Variants in AKAP6 observed in about 807,000 individuals in gnomAD.
The protein encoded by AKAP6 is A-kinase anchor protein 6.
A neutral mutation model predicts 188.5 loss-of-function variants in AKAP6; 58 were observed. The observed-to-expected ratio is 0.31, with a 90% CI of 0.25 to 0.38. The LOEUF is 0.38. Among genes scored for constraint, AKAP6 ranks in the 10% least tolerant of loss-of-function variants. The pLI, the probability that AKAP6 is intolerant of heterozygous loss-of-function variation, is 1.00. For synonymous variants in AKAP6, 989 were observed against 998.6 expected (o/e 0.99, Z 0.18); for missense variants, 2,710 against 2,740.0 (o/e 0.99, Z 0.24).
chr14:32,661,305 A>G (rs1268924349), intron 7 of AKAP6, among the ~76,000 whole-genome samples: 2 of 152,092 alleles, frequency 1.3e-5, no homozygotes, highest in Non-Finnish European at 2.9e-5. Flanking sequence ...GGAACTAGCA[A>G]TCAGAATTGG....
intron 11 of AKAP6, among the ~76,000 whole-genome samples, chr14:32,751,273 C>T (rs1348227298): frequency 1.3e-5 from 2 of 152,066 alleles, no homozygotes; most frequent in African/African-American, 4.8e-5. Context: ...TTTTCCAAAC[C>T]CTTGTGTGTC....
intron 1 of AKAP6, among the ~76,000 whole-genome samples, chr14:32,337,635 A>G (rs757213179): frequency 6.6e-5 from 10 of 151,952 alleles, no homozygotes; most frequent in Non-Finnish European, 1.3e-4. Flanking sequence ...GATTTGTTAC[A>G]TATGTATACA....
intron 2 of AKAP6, among the ~76,000 whole-genome samples, chr14:32,504,949 A>G (rs1032757813): frequency 6.6e-6 from 1 of 152,208 alleles, no homozygotes; most frequent in Non-Finnish European, 1.5e-5. Flanking sequence ...GTGACAACAG[A>G]ACCAATTGAT....
chr14:32,635,228 T>C (rs1254859364), intron 7 of AKAP6, among the ~76,000 whole-genome samples: 1 of 152,036 alleles, frequency 6.6e-6, no homozygotes, highest in East Asian at 1.9e-4. Flanking sequence ...AGTAGGGGAA[T>C]AGGAGCAAGG....
At chr14:32,644,620 C>T (rs1229338916) in intron 7 of AKAP6, among the ~76,000 whole-genome samples, 1 of 152,024 alleles carries the variant, frequency 6.6e-6, no homozygotes, top group African/African-American at 2.4e-5. Flanking sequence ...ATAACAAGGC[C>T]GTGGATGGCT....
At chr14:32,544,002 G>C (rs1201388136) in intron 3 of AKAP6, among the ~76,000 whole-genome samples, 4 of 152,150 alleles carry the variant, frequency 2.6e-5, no homozygotes, top group African/African-American at 9.7e-5. Flanking sequence ...AGTGGAGTAG[G>C]AGATAAAGGC....
At chr14:32,540,613 C>A (rs1354168277) in intron 3 of AKAP6, among the ~76,000 whole-genome samples, 1 of 152,064 alleles carries the variant, frequency 6.6e-6, no homozygotes, top group Non-Finnish European at 1.5e-5. Context: ...GAAATAAGGG[C>A]AGTAAAACCA....
intron 2 of AKAP6, among the ~76,000 whole-genome samples, chr14:32,501,244 T>C (rs988808378): frequency 1.3e-5 from 2 of 152,194 alleles, no homozygotes; most frequent in African/African-American, 2.4e-5. Context: ...AATTCTTTTT[T>C]GCACACAAAG....
intron 9 of AKAP6, among the ~76,000 whole-genome samples, chr14:32,716,248 A>G (rs888117420): frequency 2.0e-5 from 3 of 151,918 alleles, no homozygotes; most frequent in African/African-American, 2.4e-5. Context: ...GAGCGATTAA[A>G]TGGTTACATA....
At chr14:32,774,807 T>G (rs2139997069) in intron 12 of AKAP6, among the ~76,000 whole-genome samples, 1 of 152,300 alleles carries the variant, frequency 6.6e-6, no homozygotes, top group Admixed American at 6.5e-5. Flanking sequence ...ATGTTTATAT[T>G]TTTCAGTTCT....
intron 1 of AKAP6, among the ~76,000 whole-genome samples, chr14:32,344,433 C>T (rs10483398): frequency 0.075 from 11,421 of 152,104 alleles, 527 homozygotes; most frequent in Non-Finnish European, 0.085. Context: ...CTAATTAGTC[C>T]CAGTAAATAC....
At chr14:32,702,819 C>A (rs1022961474) in intron 9 of AKAP6, among the ~76,000 whole-genome samples, 1 of 152,164 alleles carries the variant, frequency 6.6e-6, no homozygotes, top group Non-Finnish European at 1.5e-5. Flanking sequence ...ACAGCCCTGT[C>A]GTACTCTTTG....
At chr14:32,708,401 AAGAG>A (rs34645535) in intron 9 of AKAP6, among the ~76,000 whole-genome samples, 2 of 150,520 alleles carry the variant, frequency 1.3e-5, no homozygotes, top group African/African-American at 4.9e-5. Context: ...ATGTGAGAGA[AAGAG>A]AGAGAGAGAG....
intron 8 of AKAP6, among the ~76,000 whole-genome samples, chr14:32,691,567 GT>G (rs200286596): frequency 6.6e-6 from 1 of 150,618 alleles, no homozygotes; most frequent in African/African-American, 2.4e-5. Flanking sequence ...ATTTGCCACT[GT>G]TTTTTTTTGA....
At chr14:32,670,140 T>A (rs1889120205) in intron 7 of AKAP6, among the ~76,000 whole-genome samples, 1 of 149,998 alleles carries the variant, frequency 6.7e-6, no homozygotes. Flanking sequence ...TCAGATCTCA[T>A]GAAAACTATC....
intron 7 of AKAP6, among the ~76,000 whole-genome samples, chr14:32,629,677 ATTT>A (rs5807670): frequency 4.2e-5 from 6 of 141,180 alleles, no homozygotes; most frequent in Non-Finnish European, 4.6e-5. Context: ...GCATATAAGC[ATTT>A]TTTTTTTTTT....
intron 2 of AKAP6, among the ~76,000 whole-genome samples, chr14:32,458,170 T>C (rs938449887): frequency 6.6e-6 from 1 of 152,186 alleles, no homozygotes; most frequent in African/African-American, 2.4e-5. Context: ...TTAAGAAGGG[T>C]GCCCAAAGTA....
chr14:32,668,966 T>C (rs950937633), intron 7 of AKAP6, among the ~76,000 whole-genome samples: 1 of 152,182 alleles, frequency 6.6e-6, no homozygotes, highest in Non-Finnish European at 1.5e-5. Context: ...AGAACTCTCT[T>C]ATACAATAAT....
Position 32,832,190 on chromosome 14 carries a change from A to C in AKAP6, c.*2385A>C, listed in dbSNP as rs1420532440. On this transcript the variant is annotated 3_prime_UTR_variant, in exon 14 of 14. Coordinates refer to ENST00000280979, the MANE Select transcript of AKAP6 (RefSeq NM_004274.5). ...AGTTAGGGGGCAGCTGGAGAAAATA[A>C]GCTAAGTTTGCAATAACAGAGTACA... The C allele has an allele frequency of 6.6e-6, 1 of 152,120 alleles. No individual in the cohort carries two copies. The highest frequency in any genetic ancestry group is 1.5e-5 in the Non-Finnish European group (1 of 68,030). The allele number at this position is 152,120 out of a possible 1,614,324, so 9.4% of individuals were successfully genotyped here.
Sources: gnomAD v4.1 joint callset for allele counts (sites outside exome capture counted in the v4.1 genomes callset) on GRCh38, gnomAD v4.1.1 for gene constraint, MANE v1.5 for transcripts, NCBI Gene and HGNC (gene_info 2026-07-23, HGNC 2026-07-21) for gene names.